CTNNBIP1: variants seen among roughly 807,000 people sequenced by gnomAD.
CTNNBIP1 encodes the protein beta-catenin-interacting protein 1.
In CTNNBIP1, 7 loss-of-function variants were observed where a neutral mutation model predicts 11.8. That is an observed-to-expected ratio of 0.60 (90% CI 0.34 to 1.12). The LOEUF (loss-of-function observed/expected upper bound fraction) is 1.12. Among genes scored for constraint, CTNNBIP1 ranks in the 50% most tolerant of loss-of-function variants. CTNNBIP1 has a pLI of 0.03. For missense variants in CTNNBIP1, 101 were observed against 113.4 expected (o/e 0.89, Z 0.50); for synonymous variants, 58 against 43.9 (o/e 1.32, Z -1.26).
Position 9,905,429 on chromosome 1 carries a change from C to CT in CTNNBIP1, c.-144+4665dup, listed in dbSNP as rs139132204. On this transcript the variant is annotated intron_variant, in intron 1 of 5. Transcript: ENST00000377263. ...CGTATCTCTTTCACCACCCTACATTCTTTTTTTTTTTGAGACAGAGTCTTG... is the reference window on the plus strand; with the variant it reads ...CGTATCTCTTTCACCACCCTACATTCTTTTTTTTTTTTGAGACAGAGTCTTG... Among the ~76,000 whole-genome samples, 271 of 147,712 alleles carry CT rather than the reference C, an allele frequency of 1.8e-3. 1 individual carries two copies. Among genetic ancestry groups the CT allele is most frequent in the African/African-American group, 4.6e-3 (189 of 40,918 alleles).
intron 5 of CTNNBIP1, among the ~76,000 whole-genome samples, chr1:9,859,624 C>T (rs1318912418): frequency 6.6e-6 from 1 of 152,214 alleles, no homozygotes; most frequent in Non-Finnish European, 1.5e-5. Context: ...TACTGGGCAG[C>T]TCGATGCATT....
intron 1 of CTNNBIP1, among the ~76,000 whole-genome samples, chr1:9,897,886 C>T (rs943129556): frequency 9.9e-5 from 15 of 152,014 alleles, no homozygotes; most frequent in East Asian, 5.8e-4. Flanking sequence ...TTTGGGAGGC[C>T]GAGGTGGGCG....
intron 5 of CTNNBIP1, among the ~76,000 whole-genome samples, chr1:9,864,410 G>T (rs1269874350): frequency 6.6e-6 from 1 of 152,162 alleles, no homozygotes; most frequent in Non-Finnish European, 1.5e-5. Flanking sequence ...CTCACTGCAA[G>T]CTCCGCCTCC....
At chr1:9,858,927 C>T (rs936105415) in intron 5 of CTNNBIP1, among the ~76,000 whole-genome samples, 10 of 152,180 alleles carry the variant, frequency 6.6e-5, no homozygotes, top group Non-Finnish European at 2.9e-5. Flanking sequence ...CAGACCTCTC[C>T]AGTCACCCAC....
At chr1:9,876,888 A>G (rs1330200279) in intron 3 of CTNNBIP1, among the ~76,000 whole-genome samples, 1 of 143,936 alleles carries the variant, frequency 6.9e-6, no homozygotes, top group African/African-American at 2.7e-5. Flanking sequence ...ACACACACAC[A>G]CAGTTCAGAG....
intron 3 of CTNNBIP1, among the ~76,000 whole-genome samples, chr1:9,876,532 G>A (rs1570578274): frequency 6.6e-6 from 1 of 152,128 alleles, no homozygotes; most frequent in African/African-American, 2.4e-5. Flanking sequence ...CAGGAGAATC[G>A]CTTGGACCTG....
chr1:9,878,964 G>A (rs140997988), intron 2 of CTNNBIP1, among the ~76,000 whole-genome samples: 10 of 152,278 alleles, frequency 6.6e-5, no homozygotes, highest in East Asian at 3.9e-4. Flanking sequence ...TTGGGAGGCC[G>A]AGACAGGTGG....
rs577779264 is a variant in CTNNBIP1, at chr1:9,850,400, C to T, written c.*318G>A. ...GGAGAGCTTCCAGGGAAGCCAGATA[C>T]CGAGGCGCAAATTTTTTAAAAAATA... On this transcript the variant is annotated 3_prime_UTR_variant, in exon 6 of 6. Transcript: ENST00000377263. 63 of 244,476 alleles carry T rather than the reference C, an allele frequency of 2.6e-4. 1 individual carries two copies. The East Asian group carries it at 5.1e-3, about 20-fold the overall frequency. The allele number at this position is 244,476 out of a possible 1,614,324, so 15.1% of individuals were successfully genotyped here.
intron 1 of CTNNBIP1, among the ~76,000 whole-genome samples, chr1:9,887,709 A>G (rs1032557192): frequency 4.6e-5 from 7 of 152,182 alleles, no homozygotes; most frequent in Non-Finnish European, 8.8e-5. Context: ...CTCAAGAAAA[A>G]AAAAAGAAAA....
intron 5 of CTNNBIP1, among the ~76,000 whole-genome samples, chr1:9,853,424 G>A (rs538298993): frequency 1.6e-4 from 25 of 152,348 alleles, no homozygotes; most frequent in African/African-American, 5.3e-4. Context: ...GCCAGTTACC[G>A]AATAGGGAGG....
rs181425379 is a variant in CTNNBIP1 at position 9,874,579 on chromosome 1, G to A, written c.-24-2491C>T. ...TGTCCTGATTTTCTGAAAGTGCCCT[G>A]TTGGAGAACTTGCTTATTGTCTCTG... On this transcript the variant is annotated intron_variant, in intron 3 of 5. Transcript: ENST00000377263. 5.1e-4 allele frequency among the ~76,000 whole-genome samples: 77 copies of A among 152,150 alleles called. 1 individual carries two copies. Among genetic ancestry groups the A allele is most frequent in the African/African-American group, 1.8e-3 (75 of 41,416 alleles).
Position 9,910,124 on chromosome 1 carries a change from G to A in CTNNBIP1, c.-173C>T, listed in dbSNP as rs1639706304. On this transcript the variant is annotated 5_prime_UTR_variant, in exon 1 of 6. Transcript: ENST00000377263. ...GCCGCCCGACCCGGCCGGGCCGGCAGGGGCAGCGGGTCCGGCGCGCAGCGC... is the reference window on the plus strand; with the variant it reads ...GCCGCCCGACCCGGCCGGGCCGGCAAGGGCAGCGGGTCCGGCGCGCAGCGC... 1.4e-5 allele frequency: 2 copies of A among 146,780 alleles called. No homozygotes were observed. Among genetic ancestry groups the A allele is most frequent in the Non-Finnish European group, 1.5e-5 (1 of 65,982 alleles). 9.1% of individuals were successfully genotyped at this position (146,780 alleles called of 1,614,324 possible).
chr1:9,876,520 G>A (rs900913637), intron 3 of CTNNBIP1, among the ~76,000 whole-genome samples: 1 of 152,202 alleles, frequency 6.6e-6, no homozygotes, highest in African/African-American at 2.4e-5. Flanking sequence ...CGGAGACCGA[G>A]GCAGGAGAAT....
In CTNNBIP1 at chr1:9,873,361, G is replaced by A. The variant is rs565386877; in HGVS notation, c.-24-1273C>T. Among the ~76,000 whole-genome samples the A allele has an allele frequency of 4.6e-5, 7 of 152,258 alleles. No individual in the cohort carries two copies. In the South Asian group the frequency reaches 6.2e-4, roughly 14 times the overall value. ...GATAACTGGGAGCTAGGAAAGAGGA[G>A]TAAACTGCCTCAGGAATGGTCTCTG... On this transcript the variant is annotated intron_variant, in intron 3 of 5. Coordinates refer to ENST00000377263, the MANE Select transcript of CTNNBIP1 (RefSeq NM_020248.3).
At chr1:9,884,006 G>GA (rs1570585540) in intron 1 of CTNNBIP1, among the ~76,000 whole-genome samples, 3 of 152,264 alleles carry the variant, frequency 2.0e-5, no homozygotes, top group East Asian at 3.9e-4. Context: ...GAGGAAGGAG[G>GA]AGGAGGGCAG....
intron 1 of CTNNBIP1, among the ~76,000 whole-genome samples, chr1:9,888,457 C>A (rs989002343): frequency 9.9e-5 from 15 of 151,272 alleles, no homozygotes; most frequent in African/African-American, 3.4e-4. Context: ...GAGGCTGAGG[C>A]AGGAGAATCG....
chr1:9,862,238 T>C (rs1218722820), intron 5 of CTNNBIP1, among the ~76,000 whole-genome samples: 1 of 152,214 alleles, frequency 6.6e-6, no homozygotes, highest in Non-Finnish European at 1.5e-5. Flanking sequence ...TCTCTTTTTT[T>C]CTTTTTCTTT....
chr1:9,898,273 C>A (rs946333424), intron 1 of CTNNBIP1, among the ~76,000 whole-genome samples: 2 of 151,998 alleles, frequency 1.3e-5, no homozygotes, highest in African/African-American at 4.8e-5. Context: ...CACCTGTAAT[C>A]CTAGCCCTTT....
chr1:9,905,516 G>A (rs1342187527), intron 1 of CTNNBIP1, among the ~76,000 whole-genome samples: 9 of 151,516 alleles, frequency 5.9e-5, no homozygotes, highest in Admixed American at 2.6e-4. Context: ...TCCGCCTCCC[G>A]GGTTCACGCC....
Sources: gnomAD v4.1 joint callset for allele counts (sites outside exome capture counted in the v4.1 genomes callset) on GRCh38, gnomAD v4.1.1 for gene constraint, MANE v1.5 for transcripts, NCBI Gene and HGNC (gene_info 2026-07-23, HGNC 2026-07-21) for gene names.